Variants in UBQLN4 observed in about 807,000 individuals in gnomAD.
The protein encoded by UBQLN4 is ubiquilin-4.
UBQLN4 carries 11 observed loss-of-function variants against 60.4 expected under a neutral mutation model. The ratio of observed to expected loss-of-function variants is 0.18; its 90% CI spans 0.11 to 0.30. UBQLN4 has a LOEUF of 0.30. UBQLN4 is among the 10% of genes least tolerant of loss of function. The pLI is 1.00. For synonymous variants in UBQLN4, 258 were observed against 313.1 expected (o/e 0.82, Z 1.86); for missense variants, 417 against 795.5 (o/e 0.52, Z 5.72).
Position 156,036,927 on chromosome 1 carries a change from C to A in UBQLN4, c.*51G>T, listed in dbSNP as rs776971380. The A allele has an allele frequency of 6.3e-7, 1 of 1,592,818 alleles. No homozygotes were observed. The highest frequency in any genetic ancestry group is 8.5e-7 in the Non-Finnish European group (1 of 1,170,004). Reference sequence around the variant, plus strand: ...CAGAGGGTAAGGATTGACAGAAGAACCGAATGCTGACATCGAGGGAGGGGA... The same window carrying A: ...CAGAGGGTAAGGATTGACAGAAGAAACGAATGCTGACATCGAGGGAGGGGA... On this transcript the variant is annotated 3_prime_UTR_variant, in exon 11 of 11. Transcript: ENST00000368309.
Position 156,041,556 on chromosome 1 carries a change from C to T in UBQLN4, c.1582G>A (p.Gly528Arg), listed in dbSNP as rs1197120926. ...PATPATSSPT[G>R]ASSAQQQLMQ... ...AGTTGCTGCTGGGCGCTGGAAGCCC[C>T]TGTTGGAGAAGATGTGGCTGGCGTG... Residue 528 changes from glycine (G) to arginine (R), a missense_variant, in exon 10 of 11, where the codon GGG becomes AGG. Coordinates refer to ENST00000368309, the MANE Select transcript of UBQLN4 (RefSeq NM_020131.5). 1 of 1,613,208 alleles carries T rather than the reference C, an allele frequency of 6.2e-7. No individual in the cohort carries two copies. The highest frequency in any genetic ancestry group is 1.1e-5 in the South Asian group (1 of 90,968).
In UBQLN4 at chr1:156,050,425, G is replaced by A; in HGVS notation, c.607C>T (p.Pro203Ser). Residue 203 changes from proline (P) to serine (S), a missense_variant, in exon 4 of 11, where the codon CCC becomes TCC. Transcript: ENST00000368309. The surrounding 1 kb of genome is among the most constrained non-coding windows in gnomAD (Gnocchi z 4.6). ...TTAGACATCATATCCTGGACCAGGG[G>A]GTTCTCCATGATCTGTGACAGCATC... ...PEMLSQIMEN[P>S]LVQDMMSNPD... 6.2e-7 allele frequency: 1 copy of A among 1,614,062 alleles called. No individual in the cohort carries two copies. The highest frequency in any genetic ancestry group is 8.5e-7 in the Non-Finnish European group (1 of 1,180,028).
intron 5 of UBQLN4, among the ~76,000 whole-genome samples, 178 bp from the exon 6 acceptor site, chr1:156,044,401 C>T (rs1006971533): frequency 6.6e-6 from 1 of 152,084 alleles, no homozygotes; most frequent in Non-Finnish European, 1.5e-5. Context: ...TTCCTTGCTC[C>T]ATAGGGTGGG....
At chr1:156,042,663 T>G in intron 7 of UBQLN4, 111 bp downstream of exon 7, 1 of 1,468,558 alleles carries the variant, frequency 6.8e-7, no homozygotes, top group Non-Finnish European at 9.1e-7. Flanking sequence ...CAGCAGAGCT[T>G]GGGATGCAAA....
Position 156,042,929 on chromosome 1 carries a change from A to T in UBQLN4, c.1127-16T>A. On this transcript the variant is annotated splice_polypyrimidine_tract_variant and intron_variant, in intron 6 of 10. Coordinates refer to ENST00000368309, the MANE Select transcript of UBQLN4 (RefSeq NM_020131.5). ...TTGAACATCCCTAGGACAAGGCGGAAAAAAAGAAAACAGGAGAGAAAGGGT... is the reference window on the plus strand; with the variant it reads ...TTGAACATCCCTAGGACAAGGCGGATAAAAAGAAAACAGGAGAGAAAGGGT... 1 of 1,612,606 alleles carries T rather than the reference A, an allele frequency of 6.2e-7. No individual in the cohort carries two copies. The highest frequency in any genetic ancestry group is 1.3e-5 in the African/African-American group (1 of 74,952).
chr1:156,037,952 G>T (rs1683450019), intron 10 of UBQLN4, among the ~76,000 whole-genome samples: 1 of 152,158 alleles, frequency 6.6e-6, no homozygotes, highest in African/African-American at 2.4e-5. Flanking sequence ...TTGCACCCAG[G>T]CTGGAATATA....
downstream of UBQLN4, chr1:156,033,203 G>A (rs894467092): frequency 2.0e-6 from 2 of 985,420 alleles, no homozygotes; most frequent in Non-Finnish European, 1.2e-6. Flanking sequence ...GGAGGAGCCC[G>A]GGTGAGACTG....
chr1:156,032,087 T>G, downstream of UBQLN4, among the ~76,000 whole-genome samples: 1 of 149,052 alleles, frequency 6.7e-6, no homozygotes, highest in East Asian at 2.1e-4. Flanking sequence ...TGAGCTGGAG[T>G]CTTGCTCTGC....
At chr1:156,046,042 C>T (rs1283149162) in intron 5 of UBQLN4, among the ~76,000 whole-genome samples, 2 of 151,744 alleles carry the variant, frequency 1.3e-5, no homozygotes, top group Non-Finnish European at 1.5e-5. Context: ...GATGGGGTTT[C>T]GCCATGTTGG....
chr1:156,039,336 T>C (rs76830943), intron 10 of UBQLN4, among the ~76,000 whole-genome samples: 30,342 of 149,230 alleles, frequency 0.2, 3,991 homozygotes, highest in East Asian at 0.73. Context: ...CTACAACCTC[T>C]GCCTCCCAGG....
chr1:156,037,612 A>AAAAC (rs1047478969), intron 10 of UBQLN4, among the ~76,000 whole-genome samples: 1 of 152,196 alleles, frequency 6.6e-6, no homozygotes, highest in South Asian at 2.1e-4. Context: ...CAAAAACAAA[A>AAAAC]AAACAAACAA....
downstream of UBQLN4, among the ~76,000 whole-genome samples, chr1:156,034,857 AT>A (rs1683360979): frequency 6.0e-5 from 5 of 83,798 alleles, no homozygotes; most frequent in Admixed American, 2.2e-4. Flanking sequence ...ATATATATAT[AT>A]ATATATATAT....
intron 4 of UBQLN4, among the ~76,000 whole-genome samples, chr1:156,049,101 A>G (rs1026692946): frequency 6.6e-6 from 1 of 152,132 alleles, no homozygotes; most frequent in Non-Finnish European, 1.5e-5. Flanking sequence ...CTCCACAATA[A>G]CCATCTCAGG....
Position 156,035,858 on chromosome 1 carries a change from A to G in UBQLN4, c.*1120T>C, listed in dbSNP as rs1221041322. On this transcript the variant is annotated 3_prime_UTR_variant, in exon 11 of 11. Transcript: ENST00000368309. The stretch of plus-strand genomic sequence containing the variant: ...TGGTGGTGGGAGAGCACTCTGAACC[A>G]GAAACCAACAAGGAATCCACTTCCC... 2 of 985,328 alleles carry G rather than the reference A, an allele frequency of 2.0e-6. No individual in the cohort carries two copies. Among genetic ancestry groups the G allele is most frequent in the Non-Finnish European group, 2.4e-6 (2 of 829,918 alleles). The allele number at this position is 985,328 out of a possible 1,614,324, so 61.0% of individuals were successfully genotyped here. A position where few individuals can be genotyped will look rare whatever the true frequency, so the allele number is the denominator to read the frequency against.
chr1:156,035,249 G>T, downstream of UBQLN4: 2 of 984,710 alleles, frequency 2.0e-6, no homozygotes, highest in Non-Finnish European at 2.4e-6. Flanking sequence ...GGAAAACCAA[G>T]AAGTTGTTTT....
intron 10 of UBQLN4, among the ~76,000 whole-genome samples, chr1:156,040,116 G>T (rs58044427): frequency 0.011 from 1,661 of 151,910 alleles, 31 homozygotes; most frequent in African/African-American, 0.038. Flanking sequence ...CTTTCTGGAC[G>T]GGTGTGGTGG....
chr1:156,041,599 G>A lies in UBQLN4; in HGVS notation c.1539C>T (p.Ala513=). ...CTGGCGTGGCTGGTGAGGAAGTGGG[G>A]GCCTCGGGCGTAGACCCTGCGTTGC... ...AGSNAGSTPE[A]PTSSPATPAT... is the part of the protein sequence containing the mutation. Residue 513 remains alanine, a synonymous_variant, in exon 10 of 11, where the codon GCC becomes GCT. Transcript: ENST00000368309. The A allele has an allele frequency of 1.9e-6, 3 of 1,612,228 alleles. No homozygotes were observed. Among genetic ancestry groups the A allele is most frequent in the Non-Finnish European group, 2.5e-6 (3 of 1,179,172 alleles).
intron 10 of UBQLN4, among the ~76,000 whole-genome samples, chr1:156,038,943 C>A (rs1473264857): frequency 6.6e-6 from 1 of 151,960 alleles, no homozygotes; most frequent in African/African-American, 2.4e-5. Context: ...AGGTGCATGC[C>A]ACCAAGCCCG....
chr1:156,048,697 AG>A lies in UBQLN4; in HGVS notation c.742-39del, dbSNP rs748130043. On this transcript the variant is annotated intron_variant, in intron 4 of 10. Coordinates refer to ENST00000368309, the MANE Select transcript of UBQLN4 (RefSeq NM_020131.5). This position sits in a 1 kb window ranked among gnomAD's most constrained non-coding sequence, Gnocchi z 4.9. ...GAGAGACAAAATGGGCCCCGGAACC[AG>A]GGGAGCACCAACCTAGGAAAAGGGT... The A allele has an allele frequency of 9.4e-6, 15 of 1,598,482 alleles. No homozygotes were observed. The highest frequency in any genetic ancestry group is 1.3e-5 in the Non-Finnish European group (15 of 1,167,536).
Sources: allele counts gnomAD v4.1 joint callset (sites outside exome capture counted in the v4.1 genomes callset), GRCh38; gene constraint gnomAD v4.1.1; non-coding constraint Gnocchi (gnomAD v3.1); transcripts MANE v1.5; gene names NCBI Gene and HGNC (gene_info 2026-07-23, HGNC 2026-07-21).